Variants in SNTG2 observed in about 807,000 individuals in gnomAD.
The protein encoded by SNTG2 is syntrophin gamma 2.
SNTG2 carries 74 observed loss-of-function variants against 70.9 expected under a neutral mutation model. That is an observed-to-expected ratio of 1.04 (90% CI 0.86 to 1.27). The LOEUF (loss-of-function observed/expected upper bound fraction) is 1.27. Ranked by LOEUF, SNTG2 falls within the 50% of genes most tolerant of loss-of-function variation. The pLI is 0.00. For missense variants in SNTG2, 717 were observed against 690.7 expected (o/e 1.04, Z -0.43); for synonymous variants, 278 against 273.8 (o/e 1.02, Z -0.15).
At chr2:1,203,496 T>TAA (rs567779451) in intron 8 of SNTG2, among the ~76,000 whole-genome samples, 1 of 135,094 alleles carries the variant, frequency 7.4e-6, no homozygotes, top group Non-Finnish European at 1.6e-5. Flanking sequence ...CATCTCTACT[T>TAA]AAAAAAAAAA....
chr2:1,015,150 G>A (rs1414243762), intron 1 of SNTG2, among the ~76,000 whole-genome samples: 7 of 152,274 alleles, frequency 4.6e-5, no homozygotes, highest in East Asian at 3.9e-4. Context: ...TGGAGCGGGA[G>A]CAGGTATCCT....
intron 16 of SNTG2, among the ~76,000 whole-genome samples, chr2:1,334,566 A>T (rs140014073): frequency 2.4e-4 from 36 of 152,364 alleles, no homozygotes; most frequent in African/African-American, 6.7e-4. Context: ...CAATGAGTAG[A>T]TAAAGAAAGT....
chr2:1,048,449 T>C (rs955608444), intron 1 of SNTG2, among the ~76,000 whole-genome samples: 1 of 151,974 alleles, frequency 6.6e-6, no homozygotes, highest in Admixed American at 6.6e-5. Flanking sequence ...GATAGATAGA[T>C]ATCTATATAT....
intron 8 of SNTG2, among the ~76,000 whole-genome samples, chr2:1,183,168 A>C (rs1277445567): frequency 7.9e-5 from 12 of 152,218 alleles, no homozygotes; most frequent in Admixed American, 4.6e-4. Context: ...TTATGACATT[A>C]TATGCAGCAG....
At chr2:1,262,996 A>G (rs1017497597) in intron 13 of SNTG2, 1 of 152,258 alleles carries the variant, frequency 6.6e-6, no homozygotes, top group African/African-American at 2.4e-5. Flanking sequence ...ATCTGGGGAA[A>G]TGAGCTATAT....
At chr2:1,216,811 C>A (rs551740424) in intron 9 of SNTG2, among the ~76,000 whole-genome samples, 3 of 152,282 alleles carry the variant, frequency 2.0e-5, no homozygotes, top group South Asian at 2.1e-4. Context: ...AGGGAGAGAC[C>A]TGGTGGGAGA....
intron 1 of SNTG2, among the ~76,000 whole-genome samples, chr2:1,061,249 C>T (rs1367033497): frequency 6.6e-6 from 1 of 152,158 alleles, no homozygotes; most frequent in African/African-American, 2.4e-5. Flanking sequence ...CCGTGTGATC[C>T]TGGGTTGGAC....
chr2:1,288,897 C>T (rs1679877460), intron 14 of SNTG2, among the ~76,000 whole-genome samples: 3 of 152,300 alleles, frequency 2.0e-5, no homozygotes, highest in African/African-American at 7.2e-5. Flanking sequence ...CTCCCCCAGC[C>T]CCTGCATTTG....
At chr2:1,012,689 A>G (rs867184233) in intron 1 of SNTG2, among the ~76,000 whole-genome samples, 133 of 97,566 alleles carry the variant, frequency 1.4e-3, no homozygotes, top group Non-Finnish European at 1.7e-3. Context: ...GGTCTGGAGA[A>G]GGATTTATAT....
intron 9 of SNTG2, among the ~76,000 whole-genome samples, chr2:1,232,756 A>G (rs1022092475): frequency 1.3e-5 from 2 of 152,264 alleles, no homozygotes; most frequent in Non-Finnish European, 2.9e-5. Flanking sequence ...AATATACTAC[A>G]GAGACAGTTT....
At chr2:951,090 C>G (rs1293462052) in intron 1 of SNTG2, 22 bp downstream of exon 1, 3 of 1,221,196 alleles carry the variant, frequency 2.5e-6, no homozygotes, top group Non-Finnish European at 3.1e-6. Flanking sequence ...CCCTCAGCGC[C>G]CCTTCACCTC....
chr2:991,232 T>C (rs1661480547), intron 1 of SNTG2, among the ~76,000 whole-genome samples: 1 of 152,190 alleles, frequency 6.6e-6, no homozygotes, highest in Non-Finnish European at 1.5e-5. Context: ...AAAGTCTATG[T>C]ATTAATGTCT....
intron 1 of SNTG2, among the ~76,000 whole-genome samples, chr2:1,020,270 G>T (rs1012147824): frequency 3.0e-4 from 45 of 152,350 alleles, no homozygotes; most frequent in Non-Finnish European, 5.4e-4. Flanking sequence ...CAGGTGAATG[G>T]CAGGGCCACT....
chr2:1,279,602 T>C (rs1346375760), intron 14 of SNTG2, among the ~76,000 whole-genome samples: 1 of 152,240 alleles, frequency 6.6e-6, no homozygotes, highest in African/African-American at 2.4e-5. Context: ...GCTGTTTTTT[T>C]GTAACCAGAA....
Position 1,354,734 on chromosome 2 carries a change from G to A in SNTG2, c.1489-12609G>A, listed in dbSNP as rs1057035857. Among the ~76,000 whole-genome samples the A allele has an allele frequency of 1.7e-4, 10 of 60,074 alleles. 1 individual carries two copies. The highest frequency in any genetic ancestry group is 4.9e-4 in the African/African-American group (9 of 18,216). 39.4% of individuals were successfully genotyped at this position (60,074 alleles called of 152,430 possible). A position where few individuals can be genotyped will look rare whatever the true frequency, so the allele number is the denominator to read the frequency against. On this transcript the variant is annotated intron_variant, in intron 16 of 16. Coordinates refer to ENST00000308624, the MANE Select transcript of SNTG2 (RefSeq NM_018968.4). ...GGCAGAGCGGCTGACTGAGTTCCCTGAGCCTCCGCGTTCTCATCTGTAAAG... is the reference window on the plus strand; with the variant it reads ...GGCAGAGCGGCTGACTGAGTTCCCTAAGCCTCCGCGTTCTCATCTGTAAAG...
chr2:1,329,301 T>C (rs1336045733), intron 16 of SNTG2, among the ~76,000 whole-genome samples: 1 of 152,196 alleles, frequency 6.6e-6, no homozygotes, highest in Non-Finnish European at 1.5e-5. Flanking sequence ...ATTCTAAATA[T>C]AAACCAAAAT....
chr2:1,008,524 CAA>C (rs898808107), intron 1 of SNTG2, among the ~76,000 whole-genome samples: 3 of 152,082 alleles, frequency 2.0e-5, no homozygotes, highest in Non-Finnish European at 2.9e-5. Context: ...ATTTAAAAAA[CAA>C]AGTGTACTGC....
chr2:1,057,823 G>A (rs1458284397), intron 1 of SNTG2, among the ~76,000 whole-genome samples: 1 of 143,574 alleles, frequency 7.0e-6, no homozygotes, highest in Non-Finnish European at 1.5e-5. Flanking sequence ...GTATAAAGTT[G>A]CATTTCAAAA....
At chr2:1,335,840 A>G (rs1357418000) in intron 16 of SNTG2, among the ~76,000 whole-genome samples, 4 of 152,200 alleles carry the variant, frequency 2.6e-5, no homozygotes, top group Admixed American at 2.6e-4. Context: ...AGCTTCTAAG[A>G]TAGAAATGCA....
Sources: allele counts gnomAD v4.1 joint callset (sites outside exome capture counted in the v4.1 genomes callset), GRCh38; gene constraint gnomAD v4.1.1; transcripts MANE v1.5; gene names NCBI Gene and HGNC (gene_info 2026-07-23, HGNC 2026-07-21).